DLGAP1: variants seen among roughly 807,000 people sequenced by gnomAD.
DLGAP1 encodes the protein disks large-associated protein 1.
In DLGAP1, 11 loss-of-function variants were observed where a neutral mutation model predicts 90.8. The observed-to-expected ratio is 0.12, with a 90% CI of 0.08 to 0.20. The LOEUF (loss-of-function observed/expected upper bound fraction) is 0.20. DLGAP1 is among the 10% of genes least tolerant of loss of function. The probability of loss-of-function intolerance (pLI) is 1.00; values close to 1 mark genes in which losing one functional copy is unlikely to be tolerated. For missense variants in DLGAP1, 1,050 were observed against 1,333.8 expected (o/e 0.79, Z 3.31); for synonymous variants, 558 against 540.7 (o/e 1.03, Z -0.44).
rs1360367579 is a variant in DLGAP1, at chr18:4,454,314, C to T, written c.-267+692G>A. Among the ~76,000 whole-genome samples the T allele has an allele frequency of 6.6e-6, 1 of 152,154 alleles. No individual in the cohort carries two copies. The highest frequency in any genetic ancestry group is 2.4e-5 in the African/African-American group (1 of 41,456). On this transcript the variant is annotated intron_variant, in intron 1 of 12. Transcript: ENST00000315677. The surrounding 1 kb of genome is among the most constrained non-coding windows in gnomAD (Gnocchi z 4.7). ...CCGGCTCATTCAATTCGCTGAATGT[C>T]GGGTCTCCCGGCCCGCCCCGCGATT...
At chr18:3,920,766 C>G (rs1010528118) in intron 3 of DLGAP1, among the ~76,000 whole-genome samples, 2 of 166 alleles carry the variant, frequency 0.012, no homozygotes, top group Non-Finnish European at 0.03. Context: ...ATACGCACAT[C>G]TTATTTCCAG....
Position 3,499,587 on chromosome 18 carries a change from C to G in DLGAP1, c.2725-193G>C, listed in dbSNP as rs925924097. Among the ~76,000 whole-genome samples, 1 of 152,014 alleles carries G rather than the reference C, an allele frequency of 6.6e-6. No homozygotes were observed. The highest frequency in any genetic ancestry group is 1.5e-5 in the Non-Finnish European group (1 of 67,978). Reference sequence around the variant, plus strand: ...CAAAAGATGCAGAAAAAAAAAAATCCCGGTAAGCTTAAGGCCCAGGGTAAG... The same window carrying G: ...CAAAAGATGCAGAAAAAAAAAAATCGCGGTAAGCTTAAGGCCCAGGGTAAG... On this transcript the variant is annotated intron_variant, in intron 12 of 12. Coordinates refer to ENST00000315677, the MANE Select transcript of DLGAP1 (RefSeq NM_004746.4). This position sits in a 1 kb window ranked among gnomAD's most constrained non-coding sequence, Gnocchi z 6.4.
chr18:4,415,054 T>TAC (rs2082863193), intron 1 of DLGAP1, among the ~76,000 whole-genome samples: 1 of 97,794 alleles, frequency 1.0e-5, no homozygotes, highest in Non-Finnish European at 1.9e-5. Context: ...CACACACACA[T>TAC]ACACATATAT....
In DLGAP1 at chr18:3,860,864, A is replaced by G. The variant is rs997204249; in HGVS notation, c.957+18248T>C. On this transcript the variant is annotated intron_variant, in intron 4 of 12. Coordinates refer to ENST00000315677, the MANE Select transcript of DLGAP1 (RefSeq NM_004746.4). ...GAGAAATCTCTCCCGTTATACTCCC[A>G]TAGAAATACTTTCAAGGCTTCAGAG... Among the ~76,000 whole-genome samples, 7 of 152,358 alleles carry G rather than the reference A, an allele frequency of 4.6e-5. No homozygotes were observed. In the East Asian group the frequency reaches 1.2e-3, roughly 25 times the overall value.
At chr18:4,428,206 A>G (rs2083199831) in intron 1 of DLGAP1, among the ~76,000 whole-genome samples, 1 of 152,130 alleles carries the variant, frequency 6.6e-6, no homozygotes, top group Admixed American at 6.5e-5. Context: ...TCATGGGGGC[A>G]GTTTCTCCTG....
chr18:3,919,826 C>T (rs2072227048), intron 3 of DLGAP1, among the ~76,000 whole-genome samples: 1 of 152,164 alleles, frequency 6.6e-6, no homozygotes. Flanking sequence ...AGTGACAAAG[C>T]CATGGCTGAA....
At chr18:3,808,170 G>T (rs1010943752) in intron 5 of DLGAP1, among the ~76,000 whole-genome samples, 4 of 152,210 alleles carry the variant, frequency 2.6e-5, no homozygotes, top group Non-Finnish European at 2.9e-5. Flanking sequence ...AAGGTATTTA[G>T]ATAATTTGTA....
intron 4 of DLGAP1, among the ~76,000 whole-genome samples, chr18:3,834,920 C>A (rs911694158): frequency 6.6e-6 from 1 of 152,132 alleles, no homozygotes; most frequent in Admixed American, 6.5e-5. Context: ...ATTATGTACA[C>A]GATAACCTAA....
At chr18:3,582,291 G>T (rs1245919908) in intron 7 of DLGAP1, 43 bp from the exon 8 acceptor site, 1 of 1,575,246 alleles carries the variant, frequency 6.3e-7, no homozygotes, top group Admixed American at 1.8e-5. Context: ...TTCTGCGTGG[G>T]TTTTAATTTC....
intron 1 of DLGAP1, among the ~76,000 whole-genome samples, chr18:4,393,564 C>T (rs2082380069): frequency 6.6e-6 from 1 of 152,190 alleles, no homozygotes; most frequent in African/African-American, 2.4e-5. Flanking sequence ...TGGATCTCAA[C>T]CATAGTTTGT....
At chr18:3,987,213 G>A (rs528353165) in intron 3 of DLGAP1, among the ~76,000 whole-genome samples, 1 of 152,206 alleles carries the variant, frequency 6.6e-6, no homozygotes, top group African/African-American at 2.4e-5. Context: ...GGGTTCCAAA[G>A]TTGCCTCAAG....
chr18:3,759,083 G>A (rs981833328), intron 5 of DLGAP1, among the ~76,000 whole-genome samples: 6 of 144,448 alleles, frequency 4.2e-5, no homozygotes, highest in African/African-American at 1.3e-4. Flanking sequence ...GGTTTGACAC[G>A]GGGCATAAAT....
At chr18:3,741,847 C>CT (rs200079832) in intron 6 of DLGAP1, among the ~76,000 whole-genome samples, 3,557 of 142,680 alleles carry the variant, frequency 0.025, 85 homozygotes, top group East Asian at 0.069. Flanking sequence ...TTTTCTTTTT[C>CT]TTTTTTTTTA....
chr18:4,295,837 T>A (rs771006761), intron 1 of DLGAP1, among the ~76,000 whole-genome samples: 2 of 152,248 alleles, frequency 1.3e-5, no homozygotes, highest in Non-Finnish European at 2.9e-5. Context: ...TATTATCATC[T>A]TATTGTTTCC....
chr18:3,644,224 A>T (rs2059039191), intron 7 of DLGAP1, among the ~76,000 whole-genome samples: 1 of 152,164 alleles, frequency 6.6e-6, no homozygotes, highest in Admixed American at 6.5e-5. Flanking sequence ...CGAACATCAC[A>T]GGACATGTAC....
intron 3 of DLGAP1, among the ~76,000 whole-genome samples, chr18:3,880,717 C>T (rs1451580288): frequency 1.3e-5 from 2 of 151,640 alleles, no homozygotes; most frequent in African/African-American, 4.8e-5. Flanking sequence ...CCAAGGAGGG[C>T]GGATCACCTG....
intron 2 of DLGAP1, among the ~76,000 whole-genome samples, chr18:4,123,930 A>G: frequency 1.3e-5 from 2 of 152,296 alleles, no homozygotes; most frequent in Middle Eastern, 6.8e-3. Flanking sequence ...TCACTCTGAG[A>G]TTCTTGGTGT....
intron 1 of DLGAP1, among the ~76,000 whole-genome samples, chr18:4,288,933 G>A (rs2079776138): frequency 6.6e-6 from 1 of 152,178 alleles, no homozygotes; most frequent in South Asian, 2.1e-4. Context: ...GGAGTTGGAT[G>A]TAGAGGCTGG....
chr18:3,834,834 A>G (rs968386380), intron 4 of DLGAP1, among the ~76,000 whole-genome samples: 4 of 152,144 alleles, frequency 2.6e-5, no homozygotes, highest in African/African-American at 4.8e-5. Flanking sequence ...AAGAACCCCA[A>G]ATGTACGACC....
Sources: allele counts gnomAD v4.1 joint callset (sites outside exome capture counted in the v4.1 genomes callset), GRCh38; gene constraint gnomAD v4.1.1; non-coding constraint Gnocchi (gnomAD v3.1); transcripts MANE v1.5; gene names NCBI Gene and HGNC (gene_info 2026-07-23, HGNC 2026-07-21).